Variants in KSR2 observed in about 807,000 individuals in gnomAD.
The protein encoded by KSR2 is kinase suppressor of ras 2.
A neutral mutation model predicts 107.8 loss-of-function variants in KSR2; 25 were observed. The ratio of observed to expected loss-of-function variants is 0.23; its 90% CI spans 0.17 to 0.32. The LOEUF (loss-of-function observed/expected upper bound fraction) is 0.32. KSR2 is among the 10% of genes least tolerant of loss of function. The probability of loss-of-function intolerance (pLI) is 1.00; values close to 1 mark genes in which losing one functional copy is unlikely to be tolerated. For synonymous variants in KSR2, 480 were observed against 507.0 expected, an observed-to-expected ratio of 0.95 and a Z score of 0.71; for missense variants, 887 against 1,268.9, an observed-to-expected ratio of 0.70 and a Z score of 4.57.
chr12:117,946,741 A>T (rs1388928201), intron 1 of KSR2, among the ~76,000 whole-genome samples: 1 of 152,186 alleles, frequency 6.6e-6, no homozygotes, highest in African/African-American at 2.4e-5. Flanking sequence ...TAACAAATTA[A>T]ATCTAACAGT....
chr12:117,717,004 T>G (rs974189517), intron 4 of KSR2, among the ~76,000 whole-genome samples: 3 of 152,204 alleles, frequency 2.0e-5, no homozygotes, highest in African/African-American at 7.2e-5. Flanking sequence ...ACTTTTCAAG[T>G]CTATTGACTC....
At position 117,872,169 on chromosome 12, in the gene KSR2, C is replaced by A. The variant is rs376583114; in HGVS notation, c.181-11738G>T. ...CCATCACAGTAGCCTCAATAATAACCCCATCTTATTTACAAATGTGAAAAC... is the reference window on the plus strand; with the variant it reads ...CCATCACAGTAGCCTCAATAATAACACCATCTTATTTACAAATGTGAAAAC... On this transcript the variant is annotated intron_variant, in intron 1 of 19. Transcript: ENST00000339824. 2.0e-5 allele frequency among the ~76,000 whole-genome samples: 3 copies of A among 152,066 alleles called. No homozygotes were observed. In the South Asian group the frequency reaches 6.2e-4, roughly 32 times the overall value.
At chr12:117,942,770 G>C (rs933578925) in intron 1 of KSR2, among the ~76,000 whole-genome samples, 1 of 151,778 alleles carries the variant, frequency 6.6e-6, no homozygotes, top group Non-Finnish European at 1.5e-5. Context: ...AAGGTGCTGG[G>C]ATTACAGGCA....
intron 3 of KSR2, among the ~76,000 whole-genome samples, chr12:117,800,977 T>A (rs945682789): frequency 4.6e-5 from 7 of 152,344 alleles, no homozygotes; most frequent in African/African-American, 1.7e-4. Flanking sequence ...CATGCCACAT[T>A]TTCTTTATCC....
chr12:117,586,200 G>A (rs1879978429), intron 5 of KSR2, among the ~76,000 whole-genome samples: 1 of 152,114 alleles, frequency 6.6e-6, no homozygotes, highest in Non-Finnish European at 1.5e-5. Flanking sequence ...CTAGGCATGG[G>A]AAAAATACGT....
intron 3 of KSR2, among the ~76,000 whole-genome samples, chr12:117,788,394 T>C (rs1354842783): frequency 6.6e-6 from 1 of 152,160 alleles, no homozygotes; most frequent in Non-Finnish European, 1.5e-5. Flanking sequence ...TGAAAGGAAA[T>C]CTGAAAAAGA....
chr12:117,945,233 G>A (rs182750053), intron 1 of KSR2, among the ~76,000 whole-genome samples: 59 of 152,280 alleles, frequency 3.9e-4, no homozygotes, highest in Admixed American at 2.6e-3. Context: ...GACATTTATA[G>A]AACACTCCAC....
chr12:117,957,989 A>G (rs1302726440), intron 1 of KSR2, among the ~76,000 whole-genome samples: 1 of 152,082 alleles, frequency 6.6e-6, no homozygotes. Context: ...GTGCCCCCAC[A>G]CCAGCTAATT....
chr12:117,700,938 C>T (rs746410392), intron 4 of KSR2, among the ~76,000 whole-genome samples: 2 of 152,192 alleles, frequency 1.3e-5, no homozygotes, highest in African/African-American at 4.8e-5. Flanking sequence ...CATTTCTCAA[C>T]ATTACCCCTC....
chr12:117,559,596 A>T (rs2137354795), intron 7 of KSR2, among the ~76,000 whole-genome samples: 1 of 152,342 alleles, frequency 6.6e-6, no homozygotes, highest in East Asian at 1.9e-4. Context: ...GCTGTAGGAC[A>T]CATTCAACCA....
chr12:117,570,208 T>C (rs1424499398), intron 7 of KSR2, among the ~76,000 whole-genome samples: 4 of 152,150 alleles, frequency 2.6e-5, no homozygotes, highest in Non-Finnish European at 5.9e-5. Context: ...TTCACTGTGT[T>C]AGCCAGGATG....
chr12:117,724,027 C>G (rs1178252697), intron 4 of KSR2, among the ~76,000 whole-genome samples: 1 of 151,968 alleles, frequency 6.6e-6, no homozygotes, highest in Non-Finnish European at 1.5e-5. Context: ...ATCTTTCGGG[C>G]TGGGCGTAGT....
In KSR2 at chr12:117,528,066, C is replaced by T. The variant is rs535028124; in HGVS notation, c.1803-947G>A. On this transcript the variant is annotated intron_variant, in intron 12 of 19. Coordinates refer to ENST00000339824, the MANE Select transcript of KSR2 (RefSeq NM_173598.6). ...CAAACATGTTGGGTATAGATGCTGG[C>T]GGGGCGTCACAATTTGTGTGAGCAC... 1.1e-4 allele frequency among the ~76,000 whole-genome samples: 17 copies of T among 151,488 alleles called. 1 individual carries two copies. Among genetic ancestry groups the T allele is most frequent in the South Asian group, 1.0e-3 (5 of 4,780 alleles).
rs374072306 is a variant in KSR2 at position 117,692,505 on chromosome 12, T to TAC, written c.987-24849_987-24848dup. On this transcript the variant is annotated intron_variant, in intron 4 of 19. Coordinates refer to ENST00000339824, the MANE Select transcript of KSR2 (RefSeq NM_173598.6). ...ATATATATATATATATATATATATA[T>TAC]ACACACACACATATATATACACACA... 2.9e-3 allele frequency among the ~76,000 whole-genome samples: 301 copies of TAC among 104,716 alleles called. 46 individuals carry two copies. Among genetic ancestry groups the TAC allele is most frequent in the Non-Finnish European group, 4.4e-3 (226 of 51,116 alleles). The allele number at this position is 104,716 out of a possible 152,430, so 68.7% of individuals were successfully genotyped here. A position where few individuals can be genotyped will look rare whatever the true frequency, so the allele number is the denominator to read the frequency against.
intron 4 of KSR2, among the ~76,000 whole-genome samples, chr12:117,693,792 CAGATGG>C (rs1885931252): frequency 6.6e-6 from 1 of 152,204 alleles, no homozygotes; most frequent in East Asian, 1.9e-4. Context: ...TCCCCACTGA[CAGATGG>C]TATACCTGCG....
chr12:117,560,585 A>C (rs1383179985), intron 7 of KSR2, among the ~76,000 whole-genome samples: 3 of 152,186 alleles, frequency 2.0e-5, no homozygotes, highest in African/African-American at 4.8e-5. Context: ...AGGGAATTTT[A>C]TCAATGATTT....
At chr12:117,786,856 C>A (rs1249471694) in intron 3 of KSR2, among the ~76,000 whole-genome samples, 1 of 151,738 alleles carries the variant, frequency 6.6e-6, no homozygotes, top group Non-Finnish European at 1.5e-5. Context: ...ATGGAGAAAC[C>A]CTGTCTCTAC....
At chr12:117,478,162 G>A (rs1871911130) in intron 16 of KSR2, among the ~76,000 whole-genome samples, 1 of 152,160 alleles carries the variant, frequency 6.6e-6, no homozygotes, top group Non-Finnish European at 1.5e-5. Flanking sequence ...TCTCTGTGGG[G>A]ACCTGGGGCT....
chr12:117,753,947 CGTGTGTGTGT>C (rs34174404), intron 4 of KSR2, among the ~76,000 whole-genome samples: 14,565 of 128,928 alleles, frequency 0.11, 831 homozygotes, highest in Non-Finnish European at 0.13. Flanking sequence ...AAGTATAGAG[CGTGTGTGTGT>C]GTGTGTGTGT....
Sources: allele counts gnomAD v4.1 joint callset (sites outside exome capture counted in the v4.1 genomes callset), GRCh38; gene constraint gnomAD v4.1.1; transcripts MANE v1.5; gene names NCBI Gene and HGNC (gene_info 2026-07-23, HGNC 2026-07-21).